Variants in DAPK1 observed in about 807,000 individuals in gnomAD.
The protein encoded by DAPK1 is death-associated protein kinase 1.
DAPK1 carries 56 observed loss-of-function variants against 144.9 expected under a neutral mutation model. The observed-to-expected ratio is 0.39, with a 90% CI of 0.31 to 0.48. DAPK1 has a LOEUF of 0.48. Among genes scored for constraint, DAPK1 ranks in the 20% least tolerant of loss-of-function variants. DAPK1 has a pLI of 0.95. For missense variants in DAPK1, 1,454 were observed against 1,875.4 expected, an observed-to-expected ratio of 0.78 and a Z score of 4.15; for synonymous variants, 690 against 749.0, an observed-to-expected ratio of 0.92 and a Z score of 1.29.
chr9:87,617,975 T>C (rs10868640), intron 3 of DAPK1, among the ~76,000 whole-genome samples: 37,000 of 152,140 alleles, frequency 0.24, 4,661 homozygotes, highest in South Asian at 0.37. Context: ...TCTTCCGTGA[T>C]GTCCTGCAGG....
chr9:87,659,713 C>T (rs1323407766), intron 18 of DAPK1, among the ~76,000 whole-genome samples: 1 of 152,164 alleles, frequency 6.6e-6, no homozygotes, highest in Non-Finnish European at 1.5e-5. Flanking sequence ...CGCTTGCCAC[C>T]GCAGGAAAAG....
intron 4 of DAPK1, among the ~76,000 whole-genome samples, chr9:87,638,454 T>G (rs889905811): frequency 6.6e-6 from 1 of 152,218 alleles, no homozygotes; most frequent in South Asian, 2.1e-4. Context: ...TGCAAAGGCG[T>G]ATGGCCTGAC....
chr9:87,632,090 A>G (rs1433015950), intron 3 of DAPK1: 1 of 683,494 alleles, frequency 1.5e-6, no homozygotes, highest in East Asian at 1.3e-4. Context: ...GTATATATGT[A>G]GAAATATATA....
intron 2 of DAPK1, among the ~76,000 whole-genome samples, chr9:87,577,941 G>C (rs1827622188): frequency 1.3e-5 from 2 of 152,188 alleles, no homozygotes; most frequent in African/African-American, 4.8e-5. Context: ...ACTGGAGGAA[G>C]AATTATTTTG....
intron 2 of DAPK1, among the ~76,000 whole-genome samples, chr9:87,530,609 C>T (rs1269866339): frequency 6.6e-6 from 1 of 152,148 alleles, no homozygotes; most frequent in Non-Finnish European, 1.5e-5. Flanking sequence ...AGAATAATTT[C>T]TTTCTGTTTG....
intron 3 of DAPK1, among the ~76,000 whole-genome samples, chr9:87,618,506 T>G (rs545163744): frequency 2.0e-5 from 3 of 152,366 alleles, no homozygotes; most frequent in African/African-American, 7.2e-5. Context: ...TTATTCATAC[T>G]AGCCAAAAAG....
chr9:87,506,970 G>T (rs948653281), intron 2 of DAPK1: 1 of 152,124 alleles, frequency 6.6e-6, no homozygotes, highest in African/African-American at 2.4e-5. Flanking sequence ...TAATGTGCTG[G>T]GTGGGTTTTT....
intron 3 of DAPK1, among the ~76,000 whole-genome samples, chr9:87,617,663 C>T (rs748032291): frequency 3.3e-5 from 5 of 152,192 alleles, no homozygotes; most frequent in African/African-American, 4.8e-5. Flanking sequence ...GCCCATGATA[C>T]TCAATTGTCA....
chr9:87,533,320 A>C (rs1269446558), intron 2 of DAPK1, among the ~76,000 whole-genome samples: 1 of 152,270 alleles, frequency 6.6e-6, no homozygotes, highest in Admixed American at 6.5e-5. Flanking sequence ...GTGAAAGTAA[A>C]GATGCTGAAG....
chr9:87,601,583 T>G (rs946365965), intron 2 of DAPK1, among the ~76,000 whole-genome samples: 2 of 152,074 alleles, frequency 1.3e-5, no homozygotes, highest in Middle Eastern at 3.2e-3. Flanking sequence ...GGGGTAATAC[T>G]GCATCACTGT....
intron 19 of DAPK1, among the ~76,000 whole-genome samples, chr9:87,672,993 G>T (rs1824230799): frequency 6.6e-6 from 1 of 152,140 alleles, no homozygotes; most frequent in South Asian, 2.1e-4. Context: ...TCACCCTGCA[G>T]AGCATCTTAG....
chr9:87,516,080 T>G (rs765285783), intron 2 of DAPK1, among the ~76,000 whole-genome samples: 1 of 152,218 alleles, frequency 6.6e-6, no homozygotes, highest in Non-Finnish European at 1.5e-5. Context: ...TCTGAAGGGA[T>G]GCAGATGAAT....
chr9:87,504,256 C>A (rs1824507938), intron 2 of DAPK1, among the ~76,000 whole-genome samples: 1 of 152,076 alleles, frequency 6.6e-6, no homozygotes, highest in Non-Finnish European at 1.5e-5. Flanking sequence ...TAAAGTTCAG[C>A]TACATAGATT....
At chr9:87,641,087 A>G (rs779369886) in intron 9 of DAPK1, among the ~76,000 whole-genome samples, 4 of 152,226 alleles carry the variant, frequency 2.6e-5, no homozygotes, top group African/African-American at 4.8e-5. Context: ...AGCCCACTCG[A>G]CAACTGTGTT....
At chr9:87,648,726 T>C (rs1410079919) in intron 14 of DAPK1, 55 bp from the exon 15 acceptor site, 2 of 1,505,154 alleles carry the variant, frequency 1.3e-6, no homozygotes, top group Non-Finnish European at 1.9e-6. Context: ...GGTTCTGGTC[T>C]CCATAGCCTG....
intron 18 of DAPK1, among the ~76,000 whole-genome samples, chr9:87,662,791 C>T (rs1830911624): frequency 6.6e-6 from 1 of 151,906 alleles, no homozygotes; most frequent in African/African-American, 2.4e-5. Flanking sequence ...TTGACTTCCT[C>T]TTTTCCAATT....
chr9:87,549,906 T>C (rs1325338730), intron 2 of DAPK1, among the ~76,000 whole-genome samples: 1 of 152,236 alleles, frequency 6.6e-6, no homozygotes, highest in Non-Finnish European at 1.5e-5. Flanking sequence ...TGTCACGCCA[T>C]CTTCATTACT....
intron 3 of DAPK1, among the ~76,000 whole-genome samples, chr9:87,607,189 A>T (rs1363631984): frequency 6.6e-6 from 1 of 152,128 alleles, no homozygotes; most frequent in Non-Finnish European, 1.5e-5. Flanking sequence ...CTGTGGCTTT[A>T]TGTGGCTCCT....
intron 2 of DAPK1, among the ~76,000 whole-genome samples, chr9:87,563,538 T>C (rs1021165186): frequency 6.6e-6 from 1 of 152,242 alleles, no homozygotes; most frequent in African/African-American, 2.4e-5. Flanking sequence ...CAGCAGAGTC[T>C]TGCAGAGAGA....
Sources: gnomAD v4.1 joint callset for allele counts (sites outside exome capture counted in the v4.1 genomes callset) on GRCh38, gnomAD v4.1.1 for gene constraint, MANE v1.5 for transcripts, NCBI Gene and HGNC (gene_info 2026-07-23, HGNC 2026-07-21) for gene names.